The following APOB variants were observed in gnomAD, a reference collection of about 807,000 sequenced individuals.
APOB encodes the protein apolipoprotein B-100.
In APOB, 153 loss-of-function variants were observed where a neutral mutation model predicts 314.1. That is an observed-to-expected ratio of 0.49 (90% CI 0.43 to 0.56). The LOEUF is 0.56. Among genes scored for constraint, APOB ranks in the 20% least tolerant of loss-of-function variants. The pLI is 0.00. For synonymous variants in APOB, 2,087 were observed against 2,036.4 expected, an observed-to-expected ratio of 1.02 and a Z score of -0.67; for missense variants, 5,430 against 5,350.7, an observed-to-expected ratio of 1.01 and a Z score of -0.46.
Position 21,014,479 on chromosome 2 carries a change from A to T in APOB, c.3811T>A (p.Phe1271Ile), listed in dbSNP as rs1306126583. The T allele has an allele frequency of 6.2e-7, 1 of 1,614,112 alleles. No homozygotes were observed. Among genetic ancestry groups the T allele is most frequent in the Non-Finnish European group, 8.5e-7 (1 of 1,180,012 alleles). Residue 1271 changes from phenylalanine to isoleucine, a missense_variant, in exon 24 of 29, where the codon TTC (phenylalanine) becomes ATC (isoleucine). Coordinates refer to ENST00000233242, the MANE Select transcript of APOB (RefSeq NM_000384.3). The part of the protein sequence containing the change: ...FNLQNMGLPD[F>I]HIPENLFLKS... Reference sequence around the variant, plus strand: ...AAGAAGAGGTTTTCTGGGATGTGGAAGTCTGGCAATCCCATGTTCTGGAGG... The same window carrying T: ...AAGAAGAGGTTTTCTGGGATGTGGATGTCTGGCAATCCCATGTTCTGGAGG...
chr2:21,043,896 AGCGCAG>A lies in APOB; in HGVS notation c.44_49del (p.Pro15_Ala16del), dbSNP rs1197289618. 127 of 1,430,410 alleles carry A rather than the reference AGCGCAG, an allele frequency of 8.9e-5. No homozygotes were observed. In the East Asian group the frequency reaches 2.1e-3, roughly 24 times the overall value. 88.6% of individuals were successfully genotyped at this position (1,430,410 alleles called of 1,614,324 possible). ...GGCGCCCGCCAGCAGCAGCAGCAGC[AGCGCAG>A]GCAGCGCCAGCAGCGCCAGCAGCGC... On this transcript the variant is annotated inframe_deletion, in exon 1 of 29. Coordinates refer to ENST00000233242, the MANE Select transcript of APOB (RefSeq NM_000384.3).
At chr2:21,004,079 C>T (rs1217649362) in intron 28 of APOB, among the ~76,000 whole-genome samples, 190 bp downstream of exon 28, 2 of 152,134 alleles carry the variant, frequency 1.3e-5, no homozygotes, top group Non-Finnish European at 2.9e-5. Flanking sequence ...ATGTGTGCAT[C>T]TAAACATTAA....
chr2:21,026,726 A>G (rs111946256), intron 15 of APOB, 62 bp downstream of exon 15: 3 of 1,353,340 alleles, frequency 2.2e-6, no homozygotes, highest in Non-Finnish European at 3.2e-6. Flanking sequence ...ATGCTTAGAA[A>G]AGAATTGTTT....
rs267599179 is a variant in APOB, at chr2:21,005,880, C to A, written c.10988G>T (p.Gly3663Val). ...GAACCTTAGGTGTCCTTCTAAGGATCCTGCAATGTCAAGGTGTGCCTTTTC... is the reference window on the plus strand; with the variant it reads ...GAACCTTAGGTGTCCTTCTAAGGATACTGCAATGTCAAGGTGTGCCTTTTC... ...DQEKAHLDIA[G>V]SLEGHLRFLK... is the part of the protein sequence containing the mutation. The change falls in exon 26 of 29, where the codon GGA becomes GTA. Residue 3663 changes from glycine to valine, a missense_variant. Transcript: ENST00000233242. The A allele has an allele frequency of 1.4e-5, 23 of 1,613,826 alleles. No individual in the cohort carries two copies. Among genetic ancestry groups the A allele is most frequent in the Non-Finnish European group, 1.9e-5 (23 of 1,179,956 alleles).
intron 4 of APOB, among the ~76,000 whole-genome samples, chr2:21,038,380 G>A (rs1468940126): frequency 4.0e-5 from 6 of 149,982 alleles, no homozygotes; most frequent in Admixed American, 6.7e-5. Context: ...TCGGTCGCCC[G>A]GGCTGGAGTG....
intron 21 of APOB, among the ~76,000 whole-genome samples, chr2:21,016,081 A>G (rs1663455587): frequency 6.6e-6 from 1 of 152,164 alleles, no homozygotes; most frequent in Non-Finnish European, 1.5e-5. Flanking sequence ...CGAGGTCAGG[A>G]GATCGAGACC....
At position 21,003,014 on chromosome 2, in the gene APOB, G is replaced by A. The variant is rs1663033260; in HGVS notation, c.12408C>T (p.Gly4136=). ...TCCACTCTTGGTAGGTCCCAGTGGTGCCACTGGCTGCTTTCTGGAACCTCA... is the reference window on the plus strand; with the variant it reads ...TCCACTCTTGGTAGGTCCCAGTGGTACCACTGGCTGCTTTCTGGAACCTCA... ...IDVRFQKAAS[G]TTGTYQEWKD... is the part of the protein sequence containing the mutation. The change falls in exon 29 of 29, where the codon GGC becomes GGT. Residue 4136 remains glycine (G), a synonymous_variant. Coordinates refer to ENST00000233242, the MANE Select transcript of APOB (RefSeq NM_000384.3). The A allele has an allele frequency of 1.9e-6, 3 of 1,568,780 alleles. No individual in the cohort carries two copies. The highest frequency in any genetic ancestry group is 1.7e-6 in the Non-Finnish European group (2 of 1,157,506).
intron 17 of APOB, 23 bp from the exon 18 acceptor site, chr2:21,023,065 T>C: frequency 6.2e-7 from 1 of 1,603,146 alleles, no homozygotes; most frequent in Non-Finnish European, 8.5e-7. Flanking sequence ...AAACAACCTA[T>C]TCAGATTCAT....
rs768988904 is a variant in APOB at position 21,013,266 on chromosome 2, G to A, written c.4110C>T (p.Ser1370=). Residue 1370 remains serine, a synonymous_variant, in exon 25 of 29, where the codon TCC becomes TCT. Transcript: ENST00000233242. ...TNVYSNLYNW[S]ASYSGGNTST... is the part of the protein sequence containing the mutation. ...TGGTGTTGCCACCACTGTAGGAGGC[G>A]GACCAGTTGTACAAGTTGCTGTAGA... 25 of 1,614,056 alleles carry A rather than the reference G, an allele frequency of 1.5e-5. No individual in the cohort carries two copies. Among genetic ancestry groups the A allele is most frequent in the Middle Eastern group, 1.6e-4 (1 of 6,084 alleles).
In APOB at chr2:21,013,379, G is replaced by T; in HGVS notation, c.3997C>A (p.Arg1333=). 6.2e-7 allele frequency: 1 copy of T among 1,614,184 alleles called. No individual in the cohort carries two copies. Among genetic ancestry groups the T allele is most frequent in the Non-Finnish European group, 8.5e-7 (1 of 1,180,024 alleles). ...FKSVGFHLPS[R]EFQVPTFTIP... ...GTAAAAGTAGGGACTTGGAACTCTC[G>T]AGATGGCAGATGGAATCCCACAGAC... The change falls in exon 25 of 29, where the codon CGA becomes AGA. Residue 1333 remains arginine (R), a synonymous_variant. Coordinates refer to ENST00000233242, the MANE Select transcript of APOB (RefSeq NM_000384.3).
intron 3 of APOB, 107 bp from the exon 4 acceptor site, chr2:21,041,190 T>C: frequency 8.4e-7 from 1 of 1,197,376 alleles, no homozygotes; most frequent in South Asian, 1.3e-5. Flanking sequence ...GGAATGGTGC[T>C]GGGAACACCA....
At chr2:21,003,380 A>G (rs12691188) in intron 28 of APOB, 46 bp from the exon 29 acceptor site, 46,546 of 1,512,040 alleles carry the variant, frequency 0.031, 1,636 homozygotes, top group Admixed American at 0.15. Flanking sequence ...AATTACTCCA[A>G]TTACACAATA....
In APOB at chr2:21,008,703, A is replaced by G. The variant is rs1572781258; in HGVS notation, c.8165T>C (p.Ile2722Thr). ...ATCATTAAGGTTGAGAGTTGGGATT[A>G]TGAATTCTGGAATTGCGATTTCTGG... is the stretch of plus-strand genomic sequence containing the variant. ...RLPEIAIPEF[I>T]IPTLNLNDFQ... The change falls in exon 26 of 29, where the codon ATA becomes ACA. Residue 2722 changes from isoleucine (I) to threonine (T), a missense_variant. Coordinates refer to ENST00000233242, the MANE Select transcript of APOB (RefSeq NM_000384.3). The G allele has an allele frequency of 6.2e-7, 1 of 1,614,132 alleles. No homozygotes were observed. Among genetic ancestry groups the G allele is most frequent in the Non-Finnish European group, 8.5e-7 (1 of 1,179,984 alleles).
At chr2:21,018,760 G>C (rs1436761826) in intron 20 of APOB, among the ~76,000 whole-genome samples, 3 of 152,102 alleles carry the variant, frequency 2.0e-5, no homozygotes, top group Non-Finnish European at 2.9e-5. Flanking sequence ...GTTGTTCACT[G>C]TAACTTCCAT....
At chr2:21,028,928 T>C (rs12714221) in intron 12 of APOB, among the ~76,000 whole-genome samples, 4,835 of 152,142 alleles carry the variant, frequency 0.032, 192 homozygotes, top group African/African-American at 0.092. Flanking sequence ...AGTTCTGGAG[T>C]CTTTGCACCT....
In APOB at chr2:21,006,104, G is replaced by T. The variant is rs142252921; in HGVS notation, c.10764C>A (p.Thr3588=). The T allele has an allele frequency of 7.4e-6, 12 of 1,613,862 alleles. No individual in the cohort carries two copies. The highest frequency in any genetic ancestry group is 6.7e-5 in the Admixed American group (4 of 59,952). The change falls in exon 26 of 29, where the codon ACC becomes ACA. Residue 3588 remains threonine, a synonymous_variant. Coordinates refer to ENST00000233242, the MANE Select transcript of APOB (RefSeq NM_000384.3). ...FTNGEHTSKA[T]LELSPWQMSA... ...ACATTTGCCATGGAGAGAGTTCCAG[G>T]GTGGCTTTGCTTGTATGTTCTCCGT...
intron 4 of APOB, among the ~76,000 whole-genome samples, 153 bp from the exon 5 acceptor site, chr2:21,038,264 A>G (rs1181655436): frequency 6.6e-6 from 1 of 152,206 alleles, no homozygotes; most frequent in Non-Finnish European, 1.5e-5. Context: ...ATAGCTACAC[A>G]TAGACATACA....
chr2:21,009,688 C>T lies in APOB; in HGVS notation c.7180G>A (p.Val2394Ile). Residue 2394 changes from valine (V) to isoleucine (I), a missense_variant, in exon 26 of 29, where the codon GTT (valine) becomes ATT (isoleucine). This residue lies in a region of APOB where 3,281 missense variants were observed against 3,171.0 expected (regional missense o/e 1.03). Transcript: ENST00000233242. The stretch of plus-strand genomic sequence containing the variant: ...TTGACAGCATCATCAATAAATCCAA[C>T]CAATTTCTCAAAGTAATCTTTTATC... ...VKIKDYFEKLVGFIDDAVKKL... is the reference protein window; with the variant it reads ...VKIKDYFEKLIGFIDDAVKKL... 1.9e-6 allele frequency: 3 copies of T among 1,613,242 alleles called. No individual in the cohort carries two copies. The highest frequency in any genetic ancestry group is 2.5e-6 in the Non-Finnish European group (3 of 1,179,522).
chr2:21,031,451 G>A (rs1196985811), intron 10 of APOB, among the ~76,000 whole-genome samples: 1 of 152,192 alleles, frequency 6.6e-6, no homozygotes. Context: ...GACTCAGAAG[G>A]TGTGGAAGTG....
Sources: gnomAD v4.1 joint callset for allele counts (sites outside exome capture counted in the v4.1 genomes callset) on GRCh38, gnomAD v4.1.1 for gene constraint, gnomAD v4.1.1 regional missense constraint, MANE v1.5 for transcripts, NCBI Gene and HGNC (gene_info 2026-07-23, HGNC 2026-07-21) for gene names.